Variants in DDIAS observed in about 807,000 individuals in gnomAD.
The protein encoded by DDIAS is DNA damage-induced apoptosis suppressor protein.
Under a neutral mutation model 15.7 loss-of-function variants are expected in DDIAS, and 14 were observed. The ratio of observed to expected loss-of-function variants is 0.89; its 90% CI spans 0.59 to 1.39. The LOEUF is 1.39. DDIAS is among the 40% of genes most tolerant of loss of function. DDIAS has a pLI of 0.00. For missense variants in DDIAS, 1,035 were observed against 1,130.9 expected, an observed-to-expected ratio of 0.92 and a Z score of 1.22; for synonymous variants, 355 against 395.9, an observed-to-expected ratio of 0.90 and a Z score of 1.23.
At chr11:82,906,920 T>A (rs188332152) in intron 1 of DDIAS, among the ~76,000 whole-genome samples, 1 of 152,306 alleles carries the variant, frequency 6.6e-6, no homozygotes, top group Non-Finnish European at 1.5e-5. Context: ...AAGATTAATA[T>A]CTGAAGTTCA....
At chr11:82,929,944 G>GT (rs1211401845) in intron 4 of DDIAS, among the ~76,000 whole-genome samples, 2 of 152,136 alleles carry the variant, frequency 1.3e-5, no homozygotes, top group Admixed American at 1.3e-4. Context: ...GGTTAGGCAG[G>GT]TAACTACTTT....
intron 1 of DDIAS, among the ~76,000 whole-genome samples, chr11:82,909,795 C>G (rs972039650): frequency 6.6e-6 from 1 of 152,164 alleles, no homozygotes; most frequent in Non-Finnish European, 1.5e-5. Context: ...AGAGTCCCAA[C>G]AAGGATAGCA....
Position 82,928,883 on chromosome 11 carries a change from G to C in DDIAS, c.220G>C (p.Val74Leu). The part of the protein sequence containing the change: ...AESNKLFVIT[V>L]FGSCLDTFFG... ...ATCAAACAAATTGTTTGTTATTACT[G>C]TATTTGGAAGTTGCTTAGATACATT... is the stretch of plus-strand genomic sequence containing the variant. The change falls in exon 4 of 6, where the codon GTA (valine) becomes CTA (leucine). Residue 74 changes from valine (V) to leucine (L), a missense_variant. By Grantham distance (32) the Val-to-Leu change is conservative (BLOSUM62 1). Transcript: ENST00000533655. 1 of 1,612,722 alleles carries C rather than the reference G, an allele frequency of 6.2e-7. No homozygotes were observed. Among genetic ancestry groups the C allele is most frequent in the Non-Finnish European group, 8.5e-7 (1 of 1,179,624 alleles).
intron 3 of DDIAS, among the ~76,000 whole-genome samples, chr11:82,918,581 G>T (rs1389014925): frequency 6.6e-6 from 1 of 152,204 alleles, no homozygotes; most frequent in Admixed American, 6.5e-5. Flanking sequence ...GGTTCCATAT[G>T]CATTTTAAAA....
At chr11:82,921,924 C>G (rs1860762998) in intron 3 of DDIAS, among the ~76,000 whole-genome samples, 1 of 152,106 alleles carries the variant, frequency 6.6e-6, no homozygotes, top group South Asian at 2.1e-4. Flanking sequence ...ATTCTCTCAG[C>G]ATTTGTTTGT....
At chr11:82,914,009 T>C (rs1484681874) in intron 2 of DDIAS, 5 of 418,732 alleles carry the variant, frequency 1.2e-5, no homozygotes, top group Non-Finnish European at 2.3e-5. Flanking sequence ...CAATCTCGGC[T>C]CACTGCAACC....
chr11:82,907,477 A>G (rs940774802), intron 1 of DDIAS, among the ~76,000 whole-genome samples: 4 of 152,232 alleles, frequency 2.6e-5, no homozygotes, highest in African/African-American at 9.6e-5. Context: ...TGGTTATCGT[A>G]TGGCGTCTGC....
chr11:82,920,026 T>C (rs1009239388), intron 3 of DDIAS, among the ~76,000 whole-genome samples: 1 of 152,178 alleles, frequency 6.6e-6, no homozygotes, highest in African/African-American at 2.4e-5. Flanking sequence ...CCCGGCCTTT[T>C]GTTGGTAATT....
chr11:82,932,229 C>T lies in DDIAS; in HGVS notation c.891C>T (p.Ser297=). Residue 297 remains serine, a synonymous_variant, in exon 6 of 6, where the codon AGC becomes AGT. Transcript: ENST00000533655. ...SCHDPIQDSW[S]LVSYMDKKST... is the part of the protein sequence containing the mutation. ...ATGATCCCATTCAGGATTCATGGAGCCTTGTTTCATATATGGATAAAAAGA... is the reference window on the plus strand; with the variant it reads ...ATGATCCCATTCAGGATTCATGGAGTCTTGTTTCATATATGGATAAAAAGA... 6.2e-7 allele frequency: 1 copy of T among 1,613,694 alleles called. No homozygotes were observed. Among genetic ancestry groups the T allele is most frequent in the Non-Finnish European group, 8.5e-7 (1 of 1,179,918 alleles).
chr11:82,912,980 T>C (rs1860555522), intron 1 of DDIAS, among the ~76,000 whole-genome samples: 1 of 152,180 alleles, frequency 6.6e-6, no homozygotes, highest in South Asian at 2.1e-4. Context: ...ATTCATCTTA[T>C]ATAGGTACAG....
intron 3 of DDIAS, among the ~76,000 whole-genome samples, chr11:82,921,669 C>T (rs188752909): frequency 5.3e-5 from 8 of 151,098 alleles, no homozygotes; most frequent in South Asian, 2.1e-4. Flanking sequence ...CCTCCGCCCC[C>T]CCAGGTTCAA....
intron 1 of DDIAS, among the ~76,000 whole-genome samples, chr11:82,905,360 T>G (rs1366524303): frequency 6.6e-6 from 1 of 152,222 alleles, no homozygotes; most frequent in African/African-American, 2.4e-5. Flanking sequence ...CCAGCATTTT[T>G]ATAGTATTTA....
chr11:82,909,133 G>C (rs1162812049), intron 1 of DDIAS: 1 of 152,176 alleles, frequency 6.6e-6, no homozygotes, highest in Admixed American at 6.5e-5. Flanking sequence ...GAACAGCCCC[G>C]AGGGCTGCTG....
chr11:82,931,721 T>C lies in DDIAS; in HGVS notation c.394-11T>C. 6.4e-7 allele frequency: 1 copy of C among 1,565,278 alleles called. No homozygotes were observed. The highest frequency in any genetic ancestry group is 8.6e-7 in the Non-Finnish European group (1 of 1,160,888). On this transcript the variant is annotated splice_polypyrimidine_tract_variant and intron_variant, in intron 5 of 5. Coordinates refer to ENST00000533655, the MANE Select transcript of DDIAS (RefSeq NM_145018.4). Reference sequence around the variant, plus strand: ...TTTATTCTTACTTAAATTTCTTTGCTTCTTTCACAGAATTTTGAAAACCAA... The same window carrying C: ...TTTATTCTTACTTAAATTTCTTTGCCTCTTTCACAGAATTTTGAAAACCAA...
rs1300229815 is a variant in DDIAS at position 82,933,915 on chromosome 11, T to C, written c.2577T>C (p.Thr859=). 1.9e-6 allele frequency: 3 copies of C among 1,613,422 alleles called. No individual in the cohort carries two copies. The highest frequency in any genetic ancestry group is 1.1e-5 in the South Asian group (1 of 90,824). Residue 859 remains threonine (T), a synonymous_variant, in exon 6 of 6, where the codon ACT becomes ACC. Transcript: ENST00000533655. ...ACCCTTTTGCTGAGTGCCATGAAAC[T>C]GATAGTGATGAATGGGTCCCTCCTA... ...NHYPFAECHE[T]DSDEWVPPTT...
Position 82,933,764 on chromosome 11 carries a change from G to A in DDIAS, c.2426G>A (p.Arg809Lys). 6.2e-7 allele frequency: 1 copy of A among 1,610,490 alleles called. No individual in the cohort carries two copies. The highest frequency in any genetic ancestry group is 1.1e-5 in the South Asian group (1 of 90,010). ...CTTGATGGTAACTATGAAAAAATAA[G>A]GATTTTCCCTGAAAATGACAAACAG... The part of the protein sequence containing the change: ...SDLDGNYEKI[R>K]IFPENDKQQA... The change falls in exon 6 of 6, where the codon AGG (arginine) becomes AAG (lysine). Residue 809 changes from arginine to lysine, a missense_variant. Arg to Lys is a conservative substitution (Grantham distance 26). Coordinates refer to ENST00000533655, the MANE Select transcript of DDIAS (RefSeq NM_145018.4).
At position 82,932,109 on chromosome 11, in the gene DDIAS, T is replaced by C. The variant is rs376613700; in HGVS notation, c.771T>C (p.Asp257=). 4 of 1,614,204 alleles carry C rather than the reference T, an allele frequency of 2.5e-6. No homozygotes were observed. The highest frequency in any genetic ancestry group is 1.1e-5 in the South Asian group (1 of 91,076). The change falls in exon 6 of 6, where the codon GAT becomes GAC. Residue 257 remains aspartate, a synonymous_variant. Transcript: ENST00000533655. The part of the protein sequence containing the change: ...CIVSQLTDND[D]FSASEQSKAF... The stretch of plus-strand genomic sequence containing the variant: ...TTTCACAACTAACAGATAATGATGA[T>C]TTTTCAGCTTCAGAACAAAGTAAGG...
At chr11:82,924,450 A>T (rs1860815872) in intron 3 of DDIAS, among the ~76,000 whole-genome samples, 1 of 152,190 alleles carries the variant, frequency 6.6e-6, no homozygotes, top group African/African-American at 2.4e-5. Flanking sequence ...TTTCAAGACT[A>T]AGAAAACATT....
At chr11:82,921,027 A>G (rs958691793) in intron 3 of DDIAS, among the ~76,000 whole-genome samples, 2 of 152,064 alleles carry the variant, frequency 1.3e-5, no homozygotes, top group African/African-American at 2.4e-5. Flanking sequence ...TCTTAGGTCT[A>G]TTAGTAATTG....
Sources: gnomAD v4.1 joint callset for allele counts (sites outside exome capture counted in the v4.1 genomes callset) on GRCh38, gnomAD v4.1.1 for gene constraint, MANE v1.5 for transcripts, NCBI Gene and HGNC (gene_info 2026-07-23, HGNC 2026-07-21) for gene names.